Variants in TTC33 observed in about 807,000 individuals in gnomAD.
TTC33 encodes tetratricopeptide repeat protein 33.
TTC33 carries 24 observed loss-of-function variants against 29.4 expected under a neutral mutation model. The ratio of observed to expected loss-of-function variants is 0.82; its 90% CI spans 0.59 to 1.15. TTC33 has a LOEUF of 1.15. Among genes scored for constraint, TTC33 ranks in the 50% most tolerant of loss-of-function variants. The pLI is 0.00. For synonymous variants in TTC33, 107 were observed against 100.3 expected, an observed-to-expected ratio of 1.07 and a Z score of -0.40; for missense variants, 286 against 310.4, an observed-to-expected ratio of 0.92 and a Z score of 0.59.
intron 2 of TTC33, among the ~76,000 whole-genome samples, chr5:40,738,478 A>G (rs192925247): frequency 7.3e-6 from 1 of 137,702 alleles, no homozygotes; most frequent in Admixed American, 8.6e-5. Flanking sequence ...ACAATACAAT[A>G]CAATACAATA....
At chr5:40,735,943 A>C (rs1229761680) in intron 2 of TTC33, among the ~76,000 whole-genome samples, 1 of 152,240 alleles carries the variant, frequency 6.6e-6, no homozygotes, top group African/African-American at 2.4e-5. Context: ...TTTGTAGTGC[A>C]GTGGGAGCAG....
chr5:40,729,502 A>G (rs1742373002), intron 3 of TTC33, among the ~76,000 whole-genome samples: 1 of 152,228 alleles, frequency 6.6e-6, no homozygotes, highest in Non-Finnish European at 1.5e-5. Flanking sequence ...GTTATTTTTA[A>G]GCTATTAATA....
chr5:40,742,745 T>A (rs1742720405), intron 2 of TTC33, among the ~76,000 whole-genome samples: 1 of 152,216 alleles, frequency 6.6e-6, no homozygotes, highest in Admixed American at 6.5e-5. Context: ...TGCCATATTT[T>A]CATTCGGGAG....
In TTC33 at chr5:40,714,010, T is replaced by G. The variant is rs1741949263; in HGVS notation, c.*2135A>C. ...GTTTCTTTTTCTCCTCTGTCTTATG[T>G]CTAAACTATTTTATGTCTTATATCT... On this transcript the variant is annotated 3_prime_UTR_variant, in exon 5 of 5. Transcript: ENST00000337702. 6.6e-6 allele frequency among the ~76,000 whole-genome samples: 1 copy of G among 152,202 alleles called. No individual in the cohort carries two copies. The highest frequency in any genetic ancestry group is 1.5e-5 in the Non-Finnish European group (1 of 68,016).
intron 2 of TTC33, among the ~76,000 whole-genome samples, chr5:40,733,293 G>C (rs1373491968): frequency 6.6e-6 from 1 of 152,082 alleles, no homozygotes; most frequent in African/African-American, 2.4e-5. Context: ...CTAGAGCAAG[G>C]GGTGGCATAG....
chr5:40,753,759 G>C (rs1386390414), intron 1 of TTC33, among the ~76,000 whole-genome samples: 1 of 152,182 alleles, frequency 6.6e-6, no homozygotes, highest in Non-Finnish European at 1.5e-5. Flanking sequence ...TAACAAGAAT[G>C]ATGACCACGT....
intron 4 of TTC33, among the ~76,000 whole-genome samples, chr5:40,724,082 C>T (rs1371677052): frequency 1.3e-5 from 2 of 152,202 alleles, no homozygotes; most frequent in Non-Finnish European, 2.9e-5. Flanking sequence ...CTCCCAGGTT[C>T]ATGGCAGCAC....
chr5:40,730,270 T>C lies in TTC33; in HGVS notation c.295A>G (p.Lys99Glu). The change falls in exon 3 of 5, where the codon AAA becomes GAA. Residue 99 changes from lysine to glutamate, a missense_variant. Lys to Glu is a moderately conservative substitution (Grantham distance 56, BLOSUM62 1). Transcript: ENST00000337702. The part of the protein sequence containing the change: ...TPNDATLYEM[K>E]SQVLMSLHEM... ...TTCTTCATAATTATTACCTGTGATTTCATCTCGTATAGGGTAGCATCATTT... is the reference window on the plus strand; with the variant it reads ...TTCTTCATAATTATTACCTGTGATTCCATCTCGTATAGGGTAGCATCATTT... 6.3e-7 allele frequency: 1 copy of C among 1,597,676 alleles called. No homozygotes were observed. Among genetic ancestry groups the C allele is most frequent in the Non-Finnish European group, 8.5e-7 (1 of 1,169,720 alleles).
At chr5:40,744,493 T>TG (rs1554028441) in intron 2 of TTC33, among the ~76,000 whole-genome samples, 1 of 151,402 alleles carries the variant, frequency 6.6e-6, no homozygotes, top group Admixed American at 6.6e-5. Flanking sequence ...ACCAGTTTTT[T>TG]TTTTTTTTTT....
intron 3 of TTC33, among the ~76,000 whole-genome samples, chr5:40,729,557 T>C (rs1742374702): frequency 6.6e-6 from 1 of 152,242 alleles, no homozygotes; most frequent in Non-Finnish European, 1.5e-5. Flanking sequence ...AAGCCATTTT[T>C]AGAAATATCT....
chr5:40,751,643 T>C (rs532990278), intron 1 of TTC33, among the ~76,000 whole-genome samples: 2 of 152,230 alleles, frequency 1.3e-5, no homozygotes, highest in Admixed American at 6.5e-5. Context: ...CTTCTTCCAA[T>C]AGAAACCTGT....
At chr5:40,747,340 G>C (rs918347789) in intron 1 of TTC33, among the ~76,000 whole-genome samples, 1 of 152,098 alleles carries the variant, frequency 6.6e-6, no homozygotes, top group Non-Finnish European at 1.5e-5. Flanking sequence ...TTACAAGCAT[G>C]AGCCACCACG....
At chr5:40,747,889 G>A (rs1278043744) in intron 1 of TTC33, among the ~76,000 whole-genome samples, 4 of 152,064 alleles carry the variant, frequency 2.6e-5, no homozygotes, top group African/African-American at 4.8e-5. Flanking sequence ...GCAACGGCCC[G>A]ATCTCGGATC....
At chr5:40,725,808 A>G (rs1324480610) in intron 4 of TTC33, among the ~76,000 whole-genome samples, 2 of 130,000 alleles carry the variant, frequency 1.5e-5, no homozygotes, top group Non-Finnish European at 3.2e-5. Flanking sequence ...TTTTTTTGAG[A>G]CAGGTCTTGC....
At position 40,741,729 on chromosome 5, in the gene TTC33, C is replaced by T. The variant is rs906906779; in HGVS notation, c.221+5069G>A. 3.9e-5 allele frequency among the ~76,000 whole-genome samples: 6 copies of T among 152,316 alleles called. No individual in the cohort carries two copies. In the South Asian group the frequency reaches 1.0e-3, roughly 26 times the overall value. Reference sequence around the variant, plus strand: ...CTCAGCCACGCACGGTAGCTCACACCTGTAATTCCAGCACTCTGGGTGGCC... The same window carrying T: ...CTCAGCCACGCACGGTAGCTCACACTTGTAATTCCAGCACTCTGGGTGGCC... On this transcript the variant is annotated intron_variant, in intron 2 of 4. Coordinates refer to ENST00000337702, the MANE Select transcript of TTC33 (RefSeq NM_012382.3).
intron 4 of TTC33, among the ~76,000 whole-genome samples, chr5:40,728,134 A>G (rs113928328): frequency 0.01 from 1,581 of 151,888 alleles, 22 homozygotes; most frequent in African/African-American, 0.033. Flanking sequence ...ATACAAAAAC[A>G]TTAGCCAGGC....
rs1200666176 is a variant in TTC33 at position 40,715,222 on chromosome 5, C to G, written c.*923G>C. On this transcript the variant is annotated 3_prime_UTR_variant, in exon 5 of 5. Coordinates refer to ENST00000337702, the MANE Select transcript of TTC33 (RefSeq NM_012382.3). ...ACTGAGTAGTTTCAAAAAAAGTTATCTAGAAAAGTAATTCCCAGTCATCAA... is the reference window on the plus strand; with the variant it reads ...ACTGAGTAGTTTCAAAAAAAGTTATGTAGAAAAGTAATTCCCAGTCATCAA... 20 of 151,848 alleles carry G rather than the reference C, an allele frequency of 1.3e-4. No individual in the cohort carries two copies. The highest frequency in any genetic ancestry group is 1.3e-3 in the Admixed American group (20 of 15,244). 9.4% of individuals were successfully genotyped at this position (151,848 alleles called of 1,614,324 possible).
In TTC33 at chr5:40,713,754, T is replaced by C. The variant is rs1741943748; in HGVS notation, c.*2391A>G. ...TAACTTGAACAGTAAACAGTGTTAT[T>C]TCAGAAAGTATATTAAACATCTATA... On this transcript the variant is annotated 3_prime_UTR_variant, in exon 5 of 5. Coordinates refer to ENST00000337702, the MANE Select transcript of TTC33 (RefSeq NM_012382.3). Among the ~76,000 whole-genome samples the C allele has an allele frequency of 6.6e-6, 1 of 152,156 alleles. No individual in the cohort carries two copies. Among genetic ancestry groups the C allele is most frequent in the South Asian group, 2.1e-4 (1 of 4,824 alleles).
At chr5:40,735,381 G>GA (rs1742527217) in intron 2 of TTC33, among the ~76,000 whole-genome samples, 1 of 152,098 alleles carries the variant, frequency 6.6e-6, no homozygotes, top group African/African-American at 2.4e-5. Flanking sequence ...AGTGAAAACA[G>GA]AAAGAGGAAA....
Sources: allele counts gnomAD v4.1 joint callset (sites outside exome capture counted in the v4.1 genomes callset), GRCh38; gene constraint gnomAD v4.1.1; transcripts MANE v1.5; gene names NCBI Gene and HGNC (gene_info 2026-07-23, HGNC 2026-07-21).